Variants in PLEKHB2 observed in about 807,000 individuals in gnomAD.
The protein encoded by PLEKHB2 is pleckstrin homology domain-containing family B member 2.
Under a neutral mutation model 36.5 loss-of-function variants are expected in PLEKHB2, and 31 were observed. The ratio of observed to expected loss-of-function variants is 0.85; its 90% CI spans 0.64 to 1.15. PLEKHB2 has a LOEUF of 1.15. Among genes scored for constraint, PLEKHB2 ranks in the 50% most tolerant of loss-of-function variants. PLEKHB2 has a pLI of 0.00. For missense variants in PLEKHB2, 262 were observed against 295.3 expected, an observed-to-expected ratio of 0.89 and a Z score of 0.83; for synonymous variants, 119 against 112.0, an observed-to-expected ratio of 1.06 and a Z score of -0.39.
chr2:131,113,557 G>A (rs1212042027), intron 1 of PLEKHB2, among the ~76,000 whole-genome samples: 3 of 152,146 alleles, frequency 2.0e-5, no homozygotes, highest in African/African-American at 7.2e-5. Flanking sequence ...CTGATTGGAA[G>A]TCTGTGTGTT....
intron 7 of PLEKHB2, among the ~76,000 whole-genome samples, chr2:131,143,661 T>C (rs112565952): frequency 0.022 from 3,281 of 152,326 alleles, 122 homozygotes; most frequent in African/African-American, 0.074. Context: ...TCAGTAGGTC[T>C]CAAGTGGAAT....
At chr2:131,128,277 A>G (rs748771226) in intron 4 of PLEKHB2, among the ~76,000 whole-genome samples, 3 of 152,186 alleles carry the variant, frequency 2.0e-5, no homozygotes, top group Non-Finnish European at 2.9e-5. Context: ...ATCACTTCCC[A>G]TGTTAAACGT....
At position 131,119,535 on chromosome 2, in the gene PLEKHB2, C is replaced by T. The variant is rs1374027414; in HGVS notation, c.-8-1399C>T. On this transcript the variant is annotated intron_variant, in intron 1 of 7. Coordinates refer to ENST00000693505, the MANE Select transcript of PLEKHB2 (RefSeq NM_001100623.2). Reference sequence around the variant, plus strand: ...GCTTCTGCAGTATGTGTGATGTTGCCGCGAGTGTTTATATATATATCTGTG... The same window carrying T: ...GCTTCTGCAGTATGTGTGATGTTGCTGCGAGTGTTTATATATATATCTGTG... 3.9e-5 allele frequency among the ~76,000 whole-genome samples: 6 copies of T among 152,268 alleles called. 1 individual carries two copies. Among genetic ancestry groups the T allele is most frequent in the South Asian group, 2.1e-4 (1 of 4,816 alleles).
At chr2:131,138,101 T>C (rs1698447715) in intron 6 of PLEKHB2, among the ~76,000 whole-genome samples, 1 of 151,748 alleles carries the variant, frequency 6.6e-6, no homozygotes, top group African/African-American at 2.4e-5. Context: ...TATTCATGTT[T>C]ATGGATTCTT....
chr2:131,123,797 C>CCCCCCCCT (rs1696807168), intron 2 of PLEKHB2, among the ~76,000 whole-genome samples: 1 of 121,672 alleles, frequency 8.2e-6, no homozygotes. Context: ...GCCCCCCGCC[C>CCCCCCCCT]TCGGCCTCCC....
At chr2:131,144,473 G>C in intron 7 of PLEKHB2, 1 of 1,116,666 alleles carries the variant, frequency 9.0e-7, no homozygotes, top group Non-Finnish European at 1.1e-6. Context: ...CAGACTTCTA[G>C]ATTTGGGGAC....
rs1310552393 is a variant in PLEKHB2 at position 131,147,759 on chromosome 2, C to T, written c.*986C>T. The stretch of plus-strand genomic sequence containing the variant: ...CTTGCAGTGAGCCAAGATAGTGCCA[C>T]TGCACTTCAGCCTGGGTGACAGAGT... On this transcript the variant is annotated 3_prime_UTR_variant, in exon 8 of 8. Transcript: ENST00000693505. 2.7e-5 allele frequency: 4 copies of T among 149,710 alleles called. No homozygotes were observed. Among genetic ancestry groups the T allele is most frequent in the Non-Finnish European group, 5.9e-5 (4 of 68,032 alleles). 9.3% of individuals were successfully genotyped at this position (149,710 alleles called of 1,614,324 possible). A position where few individuals can be genotyped will look rare whatever the true frequency, so the allele number is the denominator to read the frequency against.
At chr2:131,135,107 T>C (rs973996498) in intron 6 of PLEKHB2, among the ~76,000 whole-genome samples, 1 of 152,158 alleles carries the variant, frequency 6.6e-6, no homozygotes, top group Non-Finnish European at 1.5e-5. Context: ...GTGTCTCTCT[T>C]ATTGCCCAGG....
At chr2:131,121,926 T>TA (rs201344384) in intron 2 of PLEKHB2, among the ~76,000 whole-genome samples, 7 of 151,956 alleles carry the variant, frequency 4.6e-5, no homozygotes, top group African/African-American at 1.7e-4. Flanking sequence ...TTTATTTATT[T>TA]TTTGAGATGG....
At chr2:131,118,487 T>C (rs1223944188) in intron 1 of PLEKHB2, among the ~76,000 whole-genome samples, 2 of 152,084 alleles carry the variant, frequency 1.3e-5, no homozygotes, top group African/African-American at 4.8e-5. Flanking sequence ...AGGAGCTACA[T>C]TAGAGACTCA....
chr2:131,130,784 A>G (rs1388521337), intron 5 of PLEKHB2, 24 bp downstream of exon 5: 8 of 1,590,878 alleles, frequency 5.0e-6, no homozygotes, highest in South Asian at 1.1e-5. Context: ...GGCAATCACC[A>G]ATAATTTTTT....
chr2:131,111,919 T>C (rs1014866702), intron 1 of PLEKHB2, among the ~76,000 whole-genome samples: 5 of 151,418 alleles, frequency 3.3e-5, no homozygotes, highest in African/African-American at 1.2e-4. Flanking sequence ...CAGTGTCTGA[T>C]TGTGGTACTG....
intron 1 of PLEKHB2, among the ~76,000 whole-genome samples, chr2:131,108,811 TG>T (rs906048038): frequency 1.3e-5 from 2 of 152,222 alleles, no homozygotes; most frequent in Non-Finnish European, 2.9e-5. Flanking sequence ...TAATAATTGC[TG>T]TCAAAGCAGC....
chr2:131,139,181 C>T (rs1036313052), intron 6 of PLEKHB2, among the ~76,000 whole-genome samples: 7 of 152,278 alleles, frequency 4.6e-5, no homozygotes, highest in Middle Eastern at 3.4e-3. Flanking sequence ...CTGATCGGCA[C>T]TTCCAGCTTG....
chr2:131,142,652 A>C (rs1454250454), intron 7 of PLEKHB2, among the ~76,000 whole-genome samples: 1 of 151,254 alleles, frequency 6.6e-6, no homozygotes, highest in Non-Finnish European at 1.5e-5. Context: ...GCTCACTGCA[A>C]CCTCTGCCTC....
At chr2:131,112,169 C>T (rs1464624816) in intron 1 of PLEKHB2, among the ~76,000 whole-genome samples, 1 of 152,180 alleles carries the variant, frequency 6.6e-6, no homozygotes, top group Non-Finnish European at 1.5e-5. Context: ...TGATGTTGAT[C>T]ACCAGTGGCT....
chr2:131,117,042 A>C (rs1485604942), intron 1 of PLEKHB2, among the ~76,000 whole-genome samples: 1 of 152,004 alleles, frequency 6.6e-6, no homozygotes, highest in Non-Finnish European at 1.5e-5. Context: ...GAATTGCTTG[A>C]ACCTCAGAGG....
At chr2:131,130,659 G>A (rs1697580669) in intron 4 of PLEKHB2, 62 bp from the exon 5 acceptor site, 1 of 1,220,728 alleles carries the variant, frequency 8.2e-7, no homozygotes, top group Non-Finnish European at 1.2e-6. Flanking sequence ...TGCCAGCCCA[G>A]GTTTCAGAAT....
In PLEKHB2 at chr2:131,137,040, G is replaced by A. The variant is rs925806285; in HGVS notation, c.424-3127G>A. Among the ~76,000 whole-genome samples, 12 of 149,448 alleles carry A rather than the reference G, an allele frequency of 8.0e-5. No homozygotes were observed. The South Asian group carries it at 2.1e-3, about 26-fold the overall frequency. On this transcript the variant is annotated intron_variant, in intron 6 of 7. Coordinates refer to ENST00000693505, the MANE Select transcript of PLEKHB2 (RefSeq NM_001100623.2). ...CGGCTCACTGCAAGCTCCGCCTCCC[G>A]TGTTCACGCCATTCTTCTGCCTCAG... is the stretch of plus-strand genomic sequence containing the variant.
Sources: allele counts gnomAD v4.1 joint callset (sites outside exome capture counted in the v4.1 genomes callset), GRCh38; gene constraint gnomAD v4.1.1; transcripts MANE v1.5; gene names NCBI Gene and HGNC (gene_info 2026-07-23, HGNC 2026-07-21).